ADCK1: variants seen among roughly 807,000 people sequenced by gnomAD.
ADCK1 encodes the protein aarF domain containing kinase 1, also known as aarF domain-containing protein kinase 1.
In ADCK1, 41 loss-of-function variants were observed where a neutral mutation model predicts 52.3. That is an observed-to-expected ratio of 0.78 (90% CI 0.61 to 1.02). The LOEUF (loss-of-function observed/expected upper bound fraction) is 1.02. Ranked by LOEUF, ADCK1 falls within the 50% of genes least tolerant of loss-of-function variation. The pLI, the probability that ADCK1 is intolerant of heterozygous loss-of-function variation, is 0.00. For missense variants in ADCK1, 658 were observed against 679.5 expected, an observed-to-expected ratio of 0.97 and a Z score of 0.35; for synonymous variants, 250 against 274.6, an observed-to-expected ratio of 0.91 and a Z score of 0.89.
chr14:77,859,445 A>T (rs1263847839), intron 4 of ADCK1, among the ~76,000 whole-genome samples, 166 bp downstream of exon 4: 3 of 152,242 alleles, frequency 2.0e-5, no homozygotes, highest in Non-Finnish European at 2.9e-5. Flanking sequence ...AAGGAATCTC[A>T]GTGGCCCTCA....
At chr14:77,847,254 T>C (rs1388836698) in intron 3 of ADCK1, among the ~76,000 whole-genome samples, 1 of 151,902 alleles carries the variant, frequency 6.6e-6, no homozygotes, top group African/African-American at 2.4e-5. Flanking sequence ...TGGGCTGCCT[T>C]GTATGGGCCT....
chr14:77,841,803 C>T (rs2082073737), intron 3 of ADCK1, among the ~76,000 whole-genome samples: 1 of 146,142 alleles, frequency 6.8e-6, no homozygotes, highest in South Asian at 2.2e-4. Flanking sequence ...GAGATCACAC[C>T]ACTGCACTCC....
At chr14:77,821,194 G>A (rs1427202071) in intron 2 of ADCK1, 1 of 152,102 alleles carries the variant, frequency 6.6e-6, no homozygotes, top group Non-Finnish European at 1.5e-5. Context: ...GGAAAGGAGG[G>A]AGGCAGATAT....
intron 7 of ADCK1, 92 bp from the exon 8 acceptor site, chr14:77,924,365 C>A: frequency 6.5e-7 from 1 of 1,529,208 alleles, no homozygotes; most frequent in South Asian, 1.2e-5. Context: ...TCTGGCCTCC[C>A]CTTAAAAGTG....
chr14:77,889,878 T>C (rs1329490157), intron 5 of ADCK1, among the ~76,000 whole-genome samples: 12 of 89,388 alleles, frequency 1.3e-4, no homozygotes, highest in Admixed American at 3.2e-4. Flanking sequence ...AGAGAAGGTA[T>C]ATAGAGTTAA....
chr14:77,813,456 G>C (rs978810478), intron 1 of ADCK1, among the ~76,000 whole-genome samples: 1 of 152,092 alleles, frequency 6.6e-6, no homozygotes, highest in Non-Finnish European at 1.5e-5. Context: ...GACTATAGGC[G>C]TGCATCACTA....
intron 3 of ADCK1, among the ~76,000 whole-genome samples, chr14:77,852,997 C>T (rs1044242740): frequency 2.8e-5 from 4 of 141,630 alleles, no homozygotes; most frequent in Admixed American, 1.5e-4. Flanking sequence ...AACCCATCGT[C>T]CCCCTTGGCC....
At chr14:77,841,680 A>G (rs1269661352) in intron 3 of ADCK1, among the ~76,000 whole-genome samples, 1 of 130,298 alleles carries the variant, frequency 7.7e-6, no homozygotes, top group African/African-American at 3.2e-5. Flanking sequence ...AATACAAAAA[A>G]AAAAAAAAAA....
At chr14:77,819,412 T>C (rs1456568001) in intron 2 of ADCK1, among the ~76,000 whole-genome samples, 1 of 152,186 alleles carries the variant, frequency 6.6e-6, no homozygotes, top group Non-Finnish European at 1.5e-5. Context: ...CATTTTAGGT[T>C]CTGTATCTTA....
At chr14:77,865,869 G>A (rs2082650476) in intron 4 of ADCK1, among the ~76,000 whole-genome samples, 1 of 152,224 alleles carries the variant, frequency 6.6e-6, no homozygotes, top group Non-Finnish European at 1.5e-5. Flanking sequence ...GCTTGCTGCA[G>A]GGCAAGGGGC....
chr14:77,890,030 T>A (rs2083251389), intron 5 of ADCK1, among the ~76,000 whole-genome samples: 1 of 152,178 alleles, frequency 6.6e-6, no homozygotes, highest in African/African-American at 2.4e-5. Flanking sequence ...AAACCAGGAT[T>A]GAGCAATGCT....
chr14:77,863,188 C>T (rs2082588659), intron 4 of ADCK1, among the ~76,000 whole-genome samples: 1 of 151,988 alleles, frequency 6.6e-6, no homozygotes, highest in Admixed American at 6.6e-5. Context: ...GAGAGGAGGA[C>T]TTGGGGAGGG....
chr14:77,840,712 G>T (rs1251890149), intron 3 of ADCK1, among the ~76,000 whole-genome samples: 1 of 151,890 alleles, frequency 6.6e-6, no homozygotes, highest in African/African-American at 2.4e-5. Context: ...ACCAAGCATG[G>T]TGGTGTGCGC....
chr14:77,802,941 G>A (rs1217158178), intron 1 of ADCK1, among the ~76,000 whole-genome samples: 1 of 152,072 alleles, frequency 6.6e-6, no homozygotes, highest in Non-Finnish European at 1.5e-5. Context: ...GCGACAGAAT[G>A]AGACTTCATC....
At chr14:77,917,869 T>A (rs1263887744) in intron 7 of ADCK1, among the ~76,000 whole-genome samples, 1 of 152,140 alleles carries the variant, frequency 6.6e-6, no homozygotes, top group Non-Finnish European at 1.5e-5. Flanking sequence ...TGTTCAGATG[T>A]CTTTGGTGCA....
intron 1 of ADCK1, among the ~76,000 whole-genome samples, chr14:77,812,053 TTGATA>T (rs1232121642): frequency 2.0e-5 from 3 of 152,212 alleles, no homozygotes; most frequent in Non-Finnish European, 4.4e-5. Flanking sequence ...ACTTGATGAT[TTGATA>T]TATGTGTACT....
chr14:77,817,860 C>T (rs1270735122), intron 1 of ADCK1, among the ~76,000 whole-genome samples: 4 of 151,838 alleles, frequency 2.6e-5, no homozygotes, highest in South Asian at 2.1e-4. Context: ...CTTAGCCTCC[C>T]GAGTAGCTGG....
intron 4 of ADCK1, among the ~76,000 whole-genome samples, chr14:77,863,965 A>AT (rs2082608012): frequency 1.3e-5 from 2 of 152,196 alleles, no homozygotes; most frequent in Admixed American, 1.3e-4. Context: ...CATGGAGCAC[A>AT]GAAATACCTC....
intron 9 of ADCK1, among the ~76,000 whole-genome samples, chr14:77,928,893 A>G (rs950037197): frequency 6.6e-6 from 1 of 152,182 alleles, no homozygotes; most frequent in Non-Finnish European, 1.5e-5. Flanking sequence ...ATTACTAACA[A>G]GGCAAGTACA....
Sources: gnomAD v4.1 joint callset for allele counts (sites outside exome capture counted in the v4.1 genomes callset) on GRCh38, gnomAD v4.1.1 for gene constraint, MANE v1.5 for transcripts, NCBI Gene and HGNC (gene_info 2026-07-23, HGNC 2026-07-21) for gene names.